The following NCOR2 variants were observed in gnomAD, a reference collection of about 807,000 sequenced individuals.
NCOR2 encodes nuclear receptor corepressor 2, also known as CTG repeat protein 26.
NCOR2 carries 81 observed loss-of-function variants against 262.9 expected under a neutral mutation model. That is an observed-to-expected ratio of 0.31 (90% CI 0.26 to 0.37). NCOR2 has a LOEUF of 0.37. NCOR2 is among the 10% of genes least tolerant of loss of function. NCOR2 has a pLI of 1.00. For synonymous variants in NCOR2, 1,659 were observed against 1,559.3 expected, an observed-to-expected ratio of 1.06 and a Z score of -1.51; for missense variants, 3,385 against 3,621.4, an observed-to-expected ratio of 0.93 and a Z score of 1.68.
rs1450383118 is a variant in NCOR2, at chr12:124,549,735, G to A, written c.-164-14124C>T. Among the ~76,000 whole-genome samples the A allele has an allele frequency of 6.6e-6, 1 of 152,130 alleles. No homozygotes were observed. The highest frequency in any genetic ancestry group is 1.5e-5 in the Non-Finnish European group (1 of 68,026). On this transcript the variant is annotated intron_variant, in intron 1 of 32. Coordinates refer to the NCOR2 transcript ENST00000458234. The surrounding 1 kb of genome is among the most constrained non-coding windows in gnomAD (Gnocchi z 4.4). ...CCGCCTGAAGGTGACAGAGCGCCTCGCCGTATCACCAGCAACCCCTCAAGA... is the reference window on the plus strand; with the variant it reads ...CCGCCTGAAGGTGACAGAGCGCCTCACCGTATCACCAGCAACCCCTCAAGA...
chr12:124,420,591 G>C (rs9988975), intron 12 of NCOR2, among the ~76,000 whole-genome samples: 106,161 of 152,184 alleles, frequency 0.7, 41,054 homozygotes, highest in Non-Finnish European at 0.85. Context: ...CCTCTTCCTG[G>C]GTTTCCTTCT....
intron 18 of NCOR2, among the ~76,000 whole-genome samples, chr12:124,376,602 A>AGT (rs1188541613): frequency 3.3e-5 from 5 of 152,170 alleles, no homozygotes; most frequent in African/African-American, 1.2e-4. Flanking sequence ...GGCCAGACTC[A>AGT]GTGTCCCTGA....
upstream of NCOR2, chr12:124,539,813 C>T (rs935753840): frequency 2.6e-5 from 4 of 152,584 alleles, no homozygotes; most frequent in African/African-American, 7.2e-5. This position sits in a 1 kb window ranked among gnomAD's most constrained non-coding sequence, Gnocchi z 5.1. Flanking sequence ...GGAACCAGAA[C>T]AAGCACCATC....
intron 12 of NCOR2, among the ~76,000 whole-genome samples, chr12:124,420,935 G>C (rs2043167005): frequency 6.6e-6 from 1 of 152,226 alleles, no homozygotes; most frequent in Non-Finnish European, 1.5e-5. Context: ...CCGCCAGGGG[G>C]GCTCCCAGGC....
At chr12:124,433,055 C>G (rs1277203810) in intron 8 of NCOR2, among the ~76,000 whole-genome samples, 1 of 152,174 alleles carries the variant, frequency 6.6e-6, no homozygotes, top group Admixed American at 6.5e-5. Context: ...CCCACCCCAC[C>G]CCATATTTCA....
At chr12:124,364,477 G>A (rs1464823565) in intron 20 of NCOR2, among the ~76,000 whole-genome samples, 1 of 152,242 alleles carries the variant, frequency 6.6e-6, no homozygotes, top group African/African-American at 2.4e-5. Context: ...GTGTGGAGGG[G>A]CAGGTAGGGC....
chr12:124,363,753 G>A (rs1345192492), exon 21 of NCOR2: 38 of 1,391,150 alleles, frequency 2.7e-5, no homozygotes, highest in East Asian at 1.4e-4. Context: ...GCATTGGCCC[G>A]GGGGTCGCCA....
exon 22 of NCOR2, chr12:124,362,145 T>C: frequency 1.5e-6 from 2 of 1,296,646 alleles, no homozygotes; most frequent in Non-Finnish European, 2.0e-6. Context: ...CGGCGGGGGG[T>C]GCCGGGCTCC....
In NCOR2 at chr12:124,378,108, G is replaced by A. The variant is rs369780513; in HGVS notation, c.2167+129C>T. 37 of 1,498,608 alleles carry A rather than the reference G, an allele frequency of 2.5e-5. No homozygotes were observed. The highest frequency in any genetic ancestry group is 2.9e-5 in the Non-Finnish European group (33 of 1,127,444). 92.8% of individuals were successfully genotyped at this position (1,498,608 alleles called of 1,614,324 possible). Reference sequence around the variant, plus strand: ...TCAGGCCCGCACCTTCCAGGGAGTCGAGGCCCCTTCTAAGGAGGACCCAGA... The same window carrying A: ...TCAGGCCCGCACCTTCCAGGGAGTCAAGGCCCCTTCTAAGGAGGACCCAGA... On this transcript the variant is annotated intron_variant, in intron 18 of 46. Coordinates refer to ENST00000405201, the Ensembl canonical transcript of NCOR2. The surrounding 1 kb of genome is among the most constrained non-coding windows in gnomAD (Gnocchi z 4.2).
intron 6 of NCOR2, among the ~76,000 whole-genome samples, chr12:124,450,275 C>T (rs191217267): frequency 4.6e-5 from 7 of 152,330 alleles, no homozygotes; most frequent in African/African-American, 1.4e-4. Flanking sequence ...TGCAAGATAC[C>T]ACTCCACCCC....
chr12:124,324,466 C>T (rs2034495409), exon 47 of NCOR2: 1 of 152,230 alleles, frequency 6.6e-6, no homozygotes, highest in Non-Finnish European at 1.5e-5. Flanking sequence ...TGACAGAATA[C>T]CACCACCCTG....
chr12:124,497,080 G>A (rs921841532), upstream of NCOR2, among the ~76,000 whole-genome samples: 1 of 152,220 alleles, frequency 6.6e-6, no homozygotes, highest in Admixed American at 6.5e-5. The surrounding 1 kb of genome is among the most constrained non-coding windows in gnomAD (Gnocchi z 4.2). Context: ...GGGAGCCAGG[G>A]CACTCCTTCT....
At chr12:124,519,111 C>CACACACACACAA (rs2050026977) in intron 1 of NCOR2, among the ~76,000 whole-genome samples, 1 of 151,030 alleles carries the variant, frequency 6.6e-6, no homozygotes, top group East Asian at 2.0e-4. Flanking sequence ...CACACACACA[C>CACACACACACAA]ACACACACAC....
At chr12:124,511,924 ATTTTTT>A in intron 1 of NCOR2, among the ~76,000 whole-genome samples, 1 of 152,076 alleles carries the variant, frequency 6.6e-6, no homozygotes, top group East Asian at 1.9e-4. Context: ...ATTTATTTTT[ATTTTTT>A]TATTATTTTT....
intron 5 of NCOR2, among the ~76,000 whole-genome samples, chr12:124,462,355 A>T: frequency 6.6e-6 from 1 of 152,100 alleles, no homozygotes; most frequent in Non-Finnish European, 1.5e-5. Context: ...AGAAGCCCCA[A>T]GCCCCCAGTC....
At chr12:124,392,283 G>A (rs2041359929) in intron 16 of NCOR2, among the ~76,000 whole-genome samples, 1 of 152,180 alleles carries the variant, frequency 6.6e-6, no homozygotes, top group Non-Finnish European at 1.5e-5. Flanking sequence ...CCTGTGTCTG[G>A]CTGTACCCCA....
rs571051705 is a variant in NCOR2 at position 124,342,078 on chromosome 12, C to T, written c.4937-4G>A. ...CGGGGCAGGTAGTAGGCAGCGGCTG[C>T]GGGGCAGAGGGGAGCTCATGTGAGG... is the stretch of plus-strand genomic sequence containing the variant. On this transcript the variant is annotated splice_region_variant and splice_polypyrimidine_tract_variant and intron_variant, in intron 33 of 46. Coordinates refer to ENST00000405201, the Ensembl canonical transcript of NCOR2. The T allele has an allele frequency of 2.0e-5, 32 of 1,603,602 alleles. No homozygotes were observed. Among genetic ancestry groups the T allele is most frequent in the South Asian group, 1.4e-4 (13 of 90,454 alleles).
At chr12:124,519,184 A>G (rs1488906204) in intron 1 of NCOR2, among the ~76,000 whole-genome samples, 2 of 151,354 alleles carry the variant, frequency 1.3e-5, no homozygotes, top group African/African-American at 4.9e-5. Context: ...CTTGGCTGCA[A>G]TTAGCTGTGT....
intron 22 of NCOR2, among the ~76,000 whole-genome samples, chr12:124,359,453 A>G (rs11057590): frequency 0.049 from 7,455 of 152,314 alleles, 286 homozygotes; most frequent in Non-Finnish European, 0.071. Flanking sequence ...CTCCTTGAAG[A>G]CTGTTTCCCC....
Sources: gnomAD v4.1 joint callset for allele counts (sites outside exome capture counted in the v4.1 genomes callset) on GRCh38, gnomAD v4.1.1 for gene constraint, Gnocchi (gnomAD v3.1) non-coding constraint, MANE v1.5 for transcripts, NCBI Gene and HGNC (gene_info 2026-07-23, HGNC 2026-07-21) for gene names.